EXOC2: variants seen among roughly 807,000 people sequenced by gnomAD.
EXOC2 encodes the protein exocyst complex component 2, also known as SEC5-like 1.
Under a neutral mutation model 131.8 loss-of-function variants are expected in EXOC2, and 70 were observed. The observed-to-expected ratio is 0.53, with a 90% confidence interval of 0.44 to 0.65. The LOEUF (loss-of-function observed/expected upper bound fraction) is 0.65, where lower values mean the gene tolerates loss of function less well. Ranked by LOEUF, EXOC2 falls within the 30% of genes least tolerant of loss-of-function variation. The pLI is 0.00. For missense variants in EXOC2, 923 were observed against 1,108.6 expected, an observed-to-expected ratio of 0.83 and a Z score of 2.38; for synonymous variants, 411 against 398.4, an observed-to-expected ratio of 1.03 and a Z score of -0.38.
At chr6:539,251 A>C (rs1766657420) in intron 22 of EXOC2, among the ~76,000 whole-genome samples, 1 of 152,192 alleles carries the variant, frequency 6.6e-6, no homozygotes. Context: ...AGCATTAAAA[A>C]ACTGTGGGTA....
At chr6:659,514 T>C (rs778352669) in intron 1 of EXOC2, among the ~76,000 whole-genome samples, 12 of 152,196 alleles carry the variant, frequency 7.9e-5, no homozygotes, top group Non-Finnish European at 1.5e-4. Flanking sequence ...TTGCAGGACC[T>C]GGGAGACACT....
At chr6:658,766 A>G (rs748621346) in intron 1 of EXOC2, among the ~76,000 whole-genome samples, 10 of 150,050 alleles carry the variant, frequency 6.7e-5, no homozygotes, top group Non-Finnish European at 1.5e-4. Flanking sequence ...GGTTCAAGCG[A>G]TTCTCTTGCC....
chr6:588,803 C>CT (rs79527588), intron 11 of EXOC2, among the ~76,000 whole-genome samples: 9,015 of 149,478 alleles, frequency 0.06, 436 homozygotes, highest in South Asian at 0.2. Flanking sequence ...CTTCTGTCAC[C>CT]TTTTTTTTTT....
intron 13 of EXOC2, among the ~76,000 whole-genome samples, chr6:570,568 C>T (rs531692864): frequency 3.6e-4 from 55 of 152,122 alleles, no homozygotes; most frequent in Non-Finnish European, 6.9e-4. Context: ...TGTGCCAGGC[C>T]GATGAGATTT....
In EXOC2 at chr6:488,006, C is replaced by A. The variant is rs374430180; in HGVS notation, c.2681+973G>T. ...TAAAGAAATGAACAGGGTTTGGAAC[C>A]AATTCAAATAGAGGATGGAAGTTAG... is the stretch of plus-strand genomic sequence containing the variant. On this transcript the variant is annotated intron_variant, in intron 27 of 27. Coordinates refer to ENST00000230449, the MANE Select transcript of EXOC2 (RefSeq NM_018303.6). 9.6e-4 allele frequency among the ~76,000 whole-genome samples: 146 copies of A among 152,218 alleles called. 1 individual carries two copies. The highest frequency in any genetic ancestry group is 3.4e-3 in the African/African-American group (142 of 41,532).
chr6:656,922 G>A lies in EXOC2; in HGVS notation c.-43-19061C>T, dbSNP rs770495251. 10 of 1,533,458 alleles carry A rather than the reference G, an allele frequency of 6.5e-6. No individual in the cohort carries two copies. The South Asian group carries it at 8.8e-5, about 13-fold the overall frequency. 95.0% of individuals were successfully genotyped at this position (1,533,458 alleles called of 1,614,324 possible). On this transcript the variant is annotated intron_variant, in intron 1 of 27. Transcript: ENST00000230449. ...GAACAGCTCTAGACAGCCTTTGCCGGTGATCTTGGCGCGAAACTTCATGAT... is the reference window on the plus strand; with the variant it reads ...GAACAGCTCTAGACAGCCTTTGCCGATGATCTTGGCGCGAAACTTCATGAT...
At position 572,653 on chromosome 6, in the gene EXOC2, G is replaced by T; in HGVS notation, c.1319-9C>A. 1 of 1,610,672 alleles carries T rather than the reference G, an allele frequency of 6.2e-7. No individual in the cohort carries two copies. Among genetic ancestry groups the T allele is most frequent in the Non-Finnish European group, 8.5e-7 (1 of 1,179,058 alleles). On this transcript the variant is annotated splice_polypyrimidine_tract_variant and intron_variant, in intron 12 of 27. Transcript: ENST00000230449. ...AGTTTTGTATCTCCACGCTAAGGGG[G>T]AAAAGAATAAAATACTATGATTGTA...
chr6:528,024 T>C (rs1046681892), intron 23 of EXOC2, among the ~76,000 whole-genome samples: 1 of 152,194 alleles, frequency 6.6e-6, no homozygotes. Flanking sequence ...CTCTTAATAA[T>C]TGCAGATAAC....
intron 17 of EXOC2, among the ~76,000 whole-genome samples, chr6:560,522 ATAT>A (rs905076988): frequency 6.6e-6 from 1 of 152,188 alleles, no homozygotes; most frequent in Non-Finnish European, 1.5e-5. Flanking sequence ...GTCTATCCAA[ATAT>A]TATTATTTCC....
chr6:530,819 G>A (rs199950752), intron 23 of EXOC2, among the ~76,000 whole-genome samples: 4 of 152,222 alleles, frequency 2.6e-5, no homozygotes, highest in South Asian at 2.1e-4. Context: ...AAAATATTCC[G>A]GGGTGGGGGA....
intron 22 of EXOC2, among the ~76,000 whole-genome samples, chr6:546,481 C>T (rs1043946886): frequency 6.6e-6 from 1 of 152,172 alleles, no homozygotes. Flanking sequence ...GTCCTATTTT[C>T]ATTTCTTTGG....
chr6:570,618 A>G (rs1238217269), intron 13 of EXOC2, among the ~76,000 whole-genome samples: 3 of 152,246 alleles, frequency 2.0e-5, no homozygotes, highest in Non-Finnish European at 4.4e-5. Flanking sequence ...ACTCCAAATA[A>G]TAACAGCAAA....
intron 1 of EXOC2, among the ~76,000 whole-genome samples, chr6:642,156 T>C (rs1176947791): frequency 1.3e-5 from 2 of 152,230 alleles, no homozygotes; most frequent in Non-Finnish European, 2.9e-5. Flanking sequence ...TTTCCAAGTT[T>C]ATTAAATCTT....
chr6:542,736 A>G (rs1197849354), intron 22 of EXOC2, among the ~76,000 whole-genome samples: 1 of 152,228 alleles, frequency 6.6e-6, no homozygotes, highest in Non-Finnish European at 1.5e-5. Flanking sequence ...GCTGGCATTG[A>G]ATGTGTACTT....
At chr6:527,927 T>C (rs897748333) in intron 23 of EXOC2, among the ~76,000 whole-genome samples, 1 of 152,292 alleles carries the variant, frequency 6.6e-6, no homozygotes, top group African/African-American at 2.4e-5. Context: ...TTATTTAATG[T>C]TTCAAAGACG....
intron 7 of EXOC2, among the ~76,000 whole-genome samples, chr6:607,427 CTAGA>C (rs561432458): frequency 6.7e-4 from 102 of 152,288 alleles, no homozygotes; most frequent in African/African-American, 2.1e-3. Context: ...CTAAATATAC[CTAGA>C]TAGTTTCGAG....
At chr6:656,997 A>C in intron 1 of EXOC2, 1 of 1,419,404 alleles carries the variant, frequency 7.0e-7, no homozygotes, top group Non-Finnish European at 9.4e-7. Context: ...CGCGTGCCAC[A>C]AGCCCTTCCG....
At position 506,481 on chromosome 6, in the gene EXOC2, G is replaced by A. The variant is rs1581326934; in HGVS notation, c.2381-6781C>T. 6.6e-6 allele frequency among the ~76,000 whole-genome samples: 1 copy of A among 152,324 alleles called. No individual in the cohort carries two copies. Among genetic ancestry groups the A allele is most frequent in the East Asian group, 1.9e-4 (1 of 5,190 alleles). ...TTAAAGGCTACATTATTATGCTGCA[G>A]TAATAAGTACTGTTTTTAAAAAGGT... On this transcript the variant is annotated intron_variant, in intron 23 of 27. Transcript: ENST00000230449. The surrounding 1 kb of genome is among the most constrained non-coding windows in gnomAD (Gnocchi z 4.4).
intron 17 of EXOC2, 116 bp from the exon 18 acceptor site, chr6:556,680 C>G (rs1757436601): frequency 3.8e-6 from 4 of 1,063,442 alleles, no homozygotes; most frequent in South Asian, 1.4e-5. Flanking sequence ...TGGAATGGAA[C>G]AGACACACGA....
Sources: allele counts gnomAD v4.1 joint callset (sites outside exome capture counted in the v4.1 genomes callset), GRCh38; gene constraint gnomAD v4.1.1; non-coding constraint Gnocchi (gnomAD v3.1); transcripts MANE v1.5; gene names NCBI Gene and HGNC (gene_info 2026-07-23, HGNC 2026-07-21).